LOC400499: variants seen among roughly 807,000 people sequenced by gnomAD.
the LOC400499 span, among the ~76,000 whole-genome samples, chr16:11,411,059 G>T: frequency 6.6e-6 from 1 of 152,226 alleles, no homozygotes; most frequent in Non-Finnish European, 1.5e-5. Flanking sequence ...GCTGGCCCAG[G>T]AATGTAAACC....
chr16:11,384,659 G>C, the LOC400499 span, among the ~76,000 whole-genome samples: 1 of 152,198 alleles, frequency 6.6e-6, no homozygotes, highest in African/African-American at 2.4e-5. Flanking sequence ...GGAGCCGCGT[G>C]TCCCACGGAT....
the LOC400499 span, among the ~76,000 whole-genome samples, chr16:11,492,291 C>G: frequency 1.6e-5 from 2 of 127,974 alleles, no homozygotes; most frequent in Non-Finnish European, 3.3e-5. Context: ...CCCATCTATC[C>G]ATTCACCCAT....
chr16:11,418,425 C>T, the LOC400499 span, among the ~76,000 whole-genome samples: 2 of 152,166 alleles, frequency 1.3e-5, no homozygotes, highest in Admixed American at 6.5e-5. Flanking sequence ...TCCCACCAAA[C>T]CAAGAAGGTG....
chr16:11,516,152 G>A, the LOC400499 span: 143 of 399,920 alleles, frequency 3.6e-4, no homozygotes, highest in South Asian at 7.6e-4. Context: ...CTCATCAAAG[G>A]TCTTGGGGCT....
At chr16:11,525,560 G>A in the LOC400499 span, among the ~76,000 whole-genome samples, 8 of 151,940 alleles carry the variant, frequency 5.3e-5, no homozygotes, top group African/African-American at 7.3e-5. Flanking sequence ...TTGATCACTC[G>A]GACACTGGGC....
the LOC400499 span, chr16:11,467,369 G>C: frequency 6.6e-6 from 1 of 151,914 alleles, no homozygotes; most frequent in African/African-American, 2.4e-5. Context: ...TAGCACTTTG[G>C]GAGGCCAAGG....
At chr16:11,425,643 A>C in the LOC400499 span, among the ~76,000 whole-genome samples, 1 of 152,216 alleles carries the variant, frequency 6.6e-6, no homozygotes, top group East Asian at 1.9e-4. Flanking sequence ...CCTAATTCGC[A>C]AAATAATTCA....
At chr16:11,515,462 AATACATACATACGTACGTAC>A in the LOC400499 span, among the ~76,000 whole-genome samples, 45 of 151,536 alleles carry the variant, frequency 3.0e-4, no homozygotes, top group Admixed American at 1.3e-4. Flanking sequence ...CCTCTAAGGA[AATACATACATACGTACGTAC>A]ATACATACAT....
At chr16:11,453,565 T>C in the LOC400499 span, among the ~76,000 whole-genome samples, 1 of 152,098 alleles carries the variant, frequency 6.6e-6, no homozygotes, top group Non-Finnish European at 1.5e-5. Flanking sequence ...AAAAGAGCTC[T>C]TGAAAATATA....
the LOC400499 span, chr16:11,407,214 G>C: frequency 2.5e-6 from 1 of 399,060 alleles, no homozygotes; most frequent in East Asian, 3.6e-5. Context: ...AGAAAGGTCT[G>C]TTCCAGTTTG....
the LOC400499 span, among the ~76,000 whole-genome samples, chr16:11,491,473 C>T: frequency 1.1e-4 from 16 of 152,084 alleles, no homozygotes; most frequent in African/African-American, 3.6e-4. Flanking sequence ...GCAACTTCTC[C>T]AAAGTCATCC....
the LOC400499 span, among the ~76,000 whole-genome samples, chr16:11,483,205 T>C: frequency 1.2e-4 from 18 of 152,292 alleles, no homozygotes; most frequent in African/African-American, 3.8e-4. Context: ...CACACAATGC[T>C]GGTGGGAATG....
the LOC400499 span, chr16:11,442,277 G>A: frequency 6.6e-6 from 1 of 152,310 alleles, no homozygotes. Context: ...CTGGAGTGCA[G>A]TGGCGTGATC....
At chr16:11,466,228 G>A in the LOC400499 span, among the ~76,000 whole-genome samples, 1 of 152,196 alleles carries the variant, frequency 6.6e-6, no homozygotes, top group Non-Finnish European at 1.5e-5. Context: ...TTGGCTTTCA[G>A]GAGGGGTGGG....
At chr16:11,478,834 TG>T in the LOC400499 span, 3 of 397,254 alleles carry the variant, frequency 7.6e-6, no homozygotes, top group Non-Finnish European at 1.3e-5. Context: ...GACTGAATCA[TG>T]GGGGCGGGTC....
the LOC400499 span, among the ~76,000 whole-genome samples, chr16:11,388,342 C>A: frequency 1.3e-5 from 2 of 152,168 alleles, no homozygotes; most frequent in South Asian, 2.1e-4. Flanking sequence ...AAGGCAGGAG[C>A]AGGAACTTGT....
At chr16:11,373,409 C>T in the LOC400499 span, among the ~76,000 whole-genome samples, 3 of 152,038 alleles carry the variant, frequency 2.0e-5, no homozygotes, top group East Asian at 1.9e-4. Context: ...CAGTGGCTCA[C>T]GGCAACCTCT....
chr16:11,456,752 G>C, the LOC400499 span: 13 of 1,341,882 alleles, frequency 9.7e-6, no homozygotes, highest in Admixed American at 2.0e-5. Context: ...AGTTAGCCTA[G>C]CCAACAAAAG....
the LOC400499 span, among the ~76,000 whole-genome samples, chr16:11,466,016 G>T: frequency 1.3e-5 from 2 of 152,222 alleles, no homozygotes; most frequent in Admixed American, 6.5e-5. Flanking sequence ...CAGAATATTT[G>T]TAAGAGCAGA....
Sources: allele counts gnomAD v4.1 joint callset (sites outside exome capture counted in the v4.1 genomes callset), GRCh38; gene constraint gnomAD v4.1.1; transcripts MANE v1.5.